Variants in FNTB observed in about 807,000 individuals in gnomAD.
FNTB encodes protein farnesyltransferase subunit beta.
In FNTB, 27 loss-of-function variants were observed where a neutral mutation model predicts 59.4. That is an observed-to-expected ratio of 0.45 (90% CI 0.34 to 0.63). The LOEUF is 0.63. Among genes scored for constraint, FNTB ranks in the 20% least tolerant of loss-of-function variants. The probability of loss-of-function intolerance (pLI) is 0.02; values close to 1 mark genes in which losing one functional copy is unlikely to be tolerated. For synonymous variants in FNTB, 230 were observed against 220.7 expected, an observed-to-expected ratio of 1.04 and a Z score of -0.37; for missense variants, 449 against 559.6, an observed-to-expected ratio of 0.80 and a Z score of 1.99.
In FNTB at chr14:65,011,582, C is replaced by G. The variant is rs910053794; in HGVS notation, c.210-735C>G. ...TGTAATCTGCAAGCACGGGGAACAT[C>G]TTGACAATCTGTGCTTTTTGTTTCC... On this transcript the variant is annotated intron_variant, in intron 2 of 11. Transcript: ENST00000246166. This position sits in a 1 kb window ranked among gnomAD's most constrained non-coding sequence, Gnocchi z 4.0. Among the ~76,000 whole-genome samples the G allele has an allele frequency of 3.9e-5, 6 of 152,204 alleles. No homozygotes were observed. Among genetic ancestry groups the G allele is most frequent in the Admixed American group, 3.3e-4 (5 of 15,278 alleles).
chr14:65,044,774 G>A lies in FNTB; in HGVS notation c.955+331G>A. The stretch of plus-strand genomic sequence containing the variant: ...TCCTGTCCTGGGCTCTGTGGTGATT[G>A]CCACCTCCTCTGGGTGCAGGGCAGA... On this transcript the variant is annotated intron_variant, in intron 9 of 11. Coordinates refer to ENST00000246166, the MANE Select transcript of FNTB (RefSeq NM_002028.4). This position sits in a 1 kb window ranked among gnomAD's most constrained non-coding sequence, Gnocchi z 5.5. The A allele has an allele frequency of 3.5e-6, 1 of 284,942 alleles. No homozygotes were observed. The allele number at this position is 284,942 out of a possible 1,614,324, so 17.7% of individuals were successfully genotyped here. A position where few individuals can be genotyped will look rare whatever the true frequency, so the allele number is the denominator to read the frequency against.
chr14:64,992,353 CCTA>C (rs772395380), intron 1 of FNTB, among the ~76,000 whole-genome samples: 14 of 152,108 alleles, frequency 9.2e-5, no homozygotes, highest in Non-Finnish European at 1.6e-4. Context: ...GGTCCATATA[CCTA>C]CTTAAAATCA....
intron 1 of FNTB, among the ~76,000 whole-genome samples, chr14:64,999,258 C>T (rs1888514373): frequency 1.3e-5 from 2 of 151,934 alleles, no homozygotes; most frequent in Non-Finnish European, 2.9e-5. Context: ...GCCAGCATGG[C>T]GAAACCCATC....
At chr14:65,042,378 A>G (rs1272761728) in intron 8 of FNTB, among the ~76,000 whole-genome samples, 1 of 152,226 alleles carries the variant, frequency 6.6e-6, no homozygotes, top group Non-Finnish European at 1.5e-5. Context: ...GATGGGAGAC[A>G]GTGACAGATC....
At chr14:65,003,597 G>T (rs1016048279) in intron 1 of FNTB, 4 of 152,190 alleles carry the variant, frequency 2.6e-5, no homozygotes, top group African/African-American at 9.7e-5. Flanking sequence ...TAGAACTCCA[G>T]CTTCTAAAGC....
Position 65,051,236 on chromosome 14 carries a change from A to G in FNTB, c.956-2002A>G, listed in dbSNP as rs1233564364. Among the ~76,000 whole-genome samples the G allele has an allele frequency of 9.2e-5, 14 of 152,330 alleles. 1 individual carries two copies. In the East Asian group the frequency reaches 2.5e-3, roughly 27 times the overall value. On this transcript the variant is annotated intron_variant, in intron 9 of 11. Coordinates refer to ENST00000246166, the MANE Select transcript of FNTB (RefSeq NM_002028.4). Reference sequence around the variant, plus strand: ...GTCACCTGGCCACTGTCCCTCACCTAGTGCTCAACCTTGGAAACCCTTTTC... The same window carrying G: ...GTCACCTGGCCACTGTCCCTCACCTGGTGCTCAACCTTGGAAACCCTTTTC...
At chr14:65,045,508 C>T (rs937568349) in intron 9 of FNTB, among the ~76,000 whole-genome samples, 1 of 151,284 alleles carries the variant, frequency 6.6e-6, no homozygotes, top group Non-Finnish European at 1.5e-5. Context: ...CTCCACCTCC[C>T]AGGTTCAAGC....
chr14:65,033,563 T>C (rs2062127658), intron 7 of FNTB, among the ~76,000 whole-genome samples: 1 of 152,138 alleles, frequency 6.6e-6, no homozygotes, highest in Admixed American at 6.6e-5. Context: ...TATTTCATAG[T>C]TTAAAAAAAG....
In FNTB at chr14:64,987,069, C is replaced by T. The variant is rs1398641726; in HGVS notation, c.116C>T (p.Ser39Leu). The T allele has an allele frequency of 1.2e-6, 2 of 1,614,232 alleles. No homozygotes were observed. The highest frequency in any genetic ancestry group is 1.7e-5 in the Admixed American group (1 of 60,026). The stretch of plus-strand genomic sequence containing the variant: ...GCGCGAGAGCGGTTGCAGGACGACT[C>T]GGTGGAAACAGTCACGTCCATAGAA... ...EHARERLQDD[S>L]VETVTSIEQA... is the part of the protein sequence containing the mutation. Residue 39 changes from serine to leucine, a missense_variant, in exon 1 of 12, where the codon TCG becomes TTG. Transcript: ENST00000246166.
intron 4 of FNTB, among the ~76,000 whole-genome samples, chr14:65,019,098 G>A (rs2139540082): frequency 6.6e-6 from 1 of 152,272 alleles, no homozygotes; most frequent in East Asian, 1.9e-4. Flanking sequence ...GCTTGAACCC[G>A]GGAGGCGGAG....
At chr14:65,025,547 G>C (rs1220543343) in intron 4 of FNTB, among the ~76,000 whole-genome samples, 5 of 152,184 alleles carry the variant, frequency 3.3e-5, no homozygotes, top group South Asian at 2.1e-4. Flanking sequence ...GGGCATGATG[G>C]CTCACACCTG....
chr14:64,989,039 C>T (rs1888071676), intron 1 of FNTB, among the ~76,000 whole-genome samples: 1 of 152,044 alleles, frequency 6.6e-6, no homozygotes, highest in African/African-American at 2.4e-5. Flanking sequence ...GTTAATGATA[C>T]ATTCATCAAA....
intron 7 of FNTB, among the ~76,000 whole-genome samples, chr14:65,033,354 G>A (rs558550360): frequency 3.3e-5 from 5 of 152,268 alleles, no homozygotes; most frequent in East Asian, 1.9e-4. Flanking sequence ...ACATGTATAC[G>A]AAAGATAAAC....
At chr14:65,053,815 C>A (rs1009666454) in intron 10 of FNTB, among the ~76,000 whole-genome samples, 1 of 152,164 alleles carries the variant, frequency 6.6e-6, no homozygotes, top group Non-Finnish European at 1.5e-5. Flanking sequence ...TTGTTACCCA[C>A]CCTCTGTCTT....
intron 1 of FNTB, among the ~76,000 whole-genome samples, chr14:64,989,935 G>A (rs748362858): frequency 6.6e-6 from 1 of 152,152 alleles, no homozygotes; most frequent in African/African-American, 2.4e-5. Flanking sequence ...GAATGGGTGG[G>A]GTGGGAGCAG....
rs563765038 is a variant in FNTB at position 65,011,506 on chromosome 14, A to G, written c.210-811A>G. Among the ~76,000 whole-genome samples, 7 of 152,134 alleles carry G rather than the reference A, an allele frequency of 4.6e-5. No individual in the cohort carries two copies. Among genetic ancestry groups the G allele is most frequent in the Admixed American group, 1.3e-4 (2 of 15,290 alleles). ...AAGTACAGTGGGAATTTGATAAACA[A>G]TTGTGGAATTGACTACCTAGCAAAG... is the stretch of plus-strand genomic sequence containing the variant. On this transcript the variant is annotated intron_variant, in intron 2 of 11. Transcript: ENST00000246166. The surrounding 1 kb of genome is among the most constrained non-coding windows in gnomAD (Gnocchi z 4.0).
At chr14:65,046,496 T>C (rs2062480811) in intron 9 of FNTB, among the ~76,000 whole-genome samples, 1 of 152,234 alleles carries the variant, frequency 6.6e-6, no homozygotes, top group Non-Finnish European at 1.5e-5. Context: ...TTGTTTCTTG[T>C]AGCACATGTT....
chr14:65,001,597 G>T lies in FNTB; in HGVS notation c.145-2652G>T, dbSNP rs1436838213. 1.3e-5 allele frequency among the ~76,000 whole-genome samples: 2 copies of T among 152,220 alleles called. No homozygotes were observed. Among genetic ancestry groups the T allele is most frequent in the Admixed American group, 1.3e-4 (2 of 15,278 alleles). ...CCAGCATTTTATATCAAGGACTTGA[G>T]CATCCACAGATTTTGATATCCTGGG... On this transcript the variant is annotated intron_variant, in intron 1 of 11. Coordinates refer to ENST00000246166, the MANE Select transcript of FNTB (RefSeq NM_002028.4). The surrounding 1 kb of genome is among the most constrained non-coding windows in gnomAD (Gnocchi z 5.5).
At chr14:65,016,928 T>G (rs942082441) in intron 4 of FNTB, among the ~76,000 whole-genome samples, 1 of 145,854 alleles carries the variant, frequency 6.9e-6, no homozygotes, top group African/African-American at 2.5e-5. Flanking sequence ...TGGTTTTTTT[T>G]TTTTTTTTTT....
Sources: gnomAD v4.1 joint callset for allele counts (sites outside exome capture counted in the v4.1 genomes callset) on GRCh38, gnomAD v4.1.1 for gene constraint, Gnocchi (gnomAD v3.1) non-coding constraint, MANE v1.5 for transcripts, NCBI Gene and HGNC (gene_info 2026-07-23, HGNC 2026-07-21) for gene names.